The following OSBPL5 variants were observed in gnomAD, a reference collection of about 807,000 sequenced individuals.
OSBPL5 encodes the protein oxysterol binding protein like 5, also known as oxysterol-binding protein-related protein 5.
In OSBPL5, 71 loss-of-function variants were observed where a neutral mutation model predicts 111.2. The observed-to-expected ratio is 0.64, with a 90% CI of 0.53 to 0.78. The LOEUF (loss-of-function observed/expected upper bound fraction) is 0.78. Ranked by LOEUF, OSBPL5 falls within the 30% of genes least tolerant of loss-of-function variation. The pLI is 0.00. For missense variants in OSBPL5, 1,210 were observed against 1,189.3 expected (o/e 1.02, Z -0.26); for synonymous variants, 549 against 513.9 (o/e 1.07, Z -0.93).
At chr11:3,124,994 AC>A (rs1858562939) in intron 3 of OSBPL5, among the ~76,000 whole-genome samples, 2 of 152,152 alleles carry the variant, frequency 1.3e-5, no homozygotes, top group South Asian at 4.1e-4. Context: ...ACTGGGCAGG[AC>A]CCTTGGGTCT....
intron 14 of OSBPL5, among the ~76,000 whole-genome samples, chr11:3,098,495 ATTTTTTTTT>A (rs552382553): frequency 8.6e-5 from 7 of 81,202 alleles, no homozygotes; most frequent in East Asian, 2.8e-4. Context: ...ACATGAAGGA[ATTTTTTTTT>A]TTTTTTTTTT....
At chr11:3,103,166 T>C in intron 11 of OSBPL5, 73 bp downstream of exon 11, 1 of 1,372,622 alleles carries the variant, frequency 7.3e-7, no homozygotes, top group Non-Finnish European at 1.0e-6. Flanking sequence ...CTCAGGGAAG[T>C]GCCAAGGGAC....
At chr11:3,138,826 C>T (rs74560125) in intron 1 of OSBPL5, among the ~76,000 whole-genome samples, 4,715 of 152,348 alleles carry the variant, frequency 0.031, 216 homozygotes, top group African/African-American at 0.11. Context: ...TAGGGACACG[C>T]GGCTGAGAAG....
intron 1 of OSBPL5, chr11:3,164,315 G>A (rs2134577879): frequency 6.6e-6 from 1 of 152,480 alleles, no homozygotes; most frequent in Middle Eastern, 3.4e-3. Flanking sequence ...GCTCAGCCCA[G>A]GGACGAGGGA....
rs1299916692 is a variant in OSBPL5, at chr11:3,126,265, T to C, written c.219+208A>G. Among the ~76,000 whole-genome samples the C allele has an allele frequency of 6.6e-6, 1 of 152,206 alleles. No homozygotes were observed. The highest frequency in any genetic ancestry group is 2.4e-5 in the African/African-American group (1 of 41,444). ...GTGCACACATGTTCACGGAAGCATT[T>C]TTCATGACAGCTATATGGTGAAAAC... On this transcript the variant is annotated intron_variant, in intron 3 of 21. Coordinates refer to ENST00000263650, the MANE Select transcript of OSBPL5 (RefSeq NM_020896.4). The surrounding 1 kb of genome is among the most constrained non-coding windows in gnomAD (Gnocchi z 6.5).
At position 3,105,331 on chromosome 11, in the gene OSBPL5, C is replaced by T. The variant is rs1040719711; in HGVS notation, c.1060-954G>A. Among the ~76,000 whole-genome samples the T allele has an allele frequency of 6.6e-6, 1 of 152,176 alleles. No individual in the cohort carries two copies. The highest frequency in any genetic ancestry group is 2.4e-5 in the African/African-American group (1 of 41,446). On this transcript the variant is annotated intron_variant, in intron 9 of 21. Coordinates refer to ENST00000263650, the MANE Select transcript of OSBPL5 (RefSeq NM_020896.4). This position sits in a 1 kb window ranked among gnomAD's most constrained non-coding sequence, Gnocchi z 5.2. ...CTGGGACTCCTCAGGCAAATGGCTT[C>T]GCCTCTCTGTGCACGCATGGCCACG...
At chr11:3,124,921 C>T (rs1858558633) in intron 3 of OSBPL5, among the ~76,000 whole-genome samples, 1 of 152,180 alleles carries the variant, frequency 6.6e-6, no homozygotes, top group Non-Finnish European at 1.5e-5. Context: ...TTTGAGGCAA[C>T]AGGGGAAGAG....
In OSBPL5 at chr11:3,142,327, GC is replaced by G. The variant is rs1846150195; in HGVS notation, c.-21-13159del. On this transcript the variant is annotated intron_variant, in intron 1 of 21. Transcript: ENST00000263650. The surrounding 1 kb of genome is among the most constrained non-coding windows in gnomAD (Gnocchi z 7.1). ...GTGCCACCCCAAAGTCCACGGGGCT[GC>G]CCACAGCTGGGGGAGTGCAATGCCC... 6.6e-6 allele frequency among the ~76,000 whole-genome samples: 1 copy of G among 152,210 alleles called. No individual in the cohort carries two copies. Among genetic ancestry groups the G allele is most frequent in the African/African-American group, 2.4e-5 (1 of 41,458 alleles).
At chr11:3,100,782 G>T (rs1857426309) in intron 13 of OSBPL5, among the ~76,000 whole-genome samples, 1 of 152,044 alleles carries the variant, frequency 6.6e-6, no homozygotes, top group African/African-American at 2.4e-5. Flanking sequence ...TGATGAAAAA[G>T]GTACAACGGA....
intron 12 of OSBPL5, among the ~76,000 whole-genome samples, 194 bp downstream of exon 12, chr11:3,101,989 G>A (rs1167508820): frequency 6.6e-6 from 1 of 152,202 alleles, no homozygotes; most frequent in East Asian, 1.9e-4. Context: ...TCATGGTGGT[G>A]TCTGCACCTT....
In OSBPL5 at chr11:3,122,372, C is replaced by T. The variant is rs1243359122; in HGVS notation, c.276G>A (p.Arg92=). Reference sequence around the variant, plus strand: ...CCTTGAGAGTCTCCTTCTTGGTGACCCTGGCGGTGGGGGACACACATTCCT... The same window carrying T: ...CCTTGAGAGTCTCCTTCTTGGTGACTCTGGCGGTGGGGGACACACATTCCT... The part of the protein sequence containing the change: ...SDKECVSPTA[R]VTKKETLKAQ... The change falls in exon 4 of 22, where the codon AGG becomes AGA. Residue 92 remains arginine, a synonymous_variant. Transcript: ENST00000263650. 4 of 1,613,738 alleles carry T rather than the reference C, an allele frequency of 2.5e-6. No homozygotes were observed. The highest frequency in any genetic ancestry group is 2.5e-6 in the Non-Finnish European group (3 of 1,179,938).
In OSBPL5 at chr11:3,092,024, C is replaced by T. The variant is rs1464462662; in HGVS notation, c.2259+408G>A. On this transcript the variant is annotated intron_variant, in intron 19 of 21. Coordinates refer to ENST00000263650, the MANE Select transcript of OSBPL5 (RefSeq NM_020896.4). The surrounding 1 kb of genome is among the most constrained non-coding windows in gnomAD (Gnocchi z 5.4). Reference sequence around the variant, plus strand: ...GCTTCCTCAGGTTACTCCCTGGAGCCTCCTGCTGTCCCGCTTCCCCTTTCC... The same window carrying T: ...GCTTCCTCAGGTTACTCCCTGGAGCTTCCTGCTGTCCCGCTTCCCCTTTCC... Among the ~76,000 whole-genome samples the T allele has an allele frequency of 1.3e-5, 2 of 152,236 alleles. No homozygotes were observed. The highest frequency in any genetic ancestry group is 4.8e-5 in the African/African-American group (2 of 41,458).
intron 1 of OSBPL5, among the ~76,000 whole-genome samples, chr11:3,157,145 G>A (rs1449425208): frequency 3.3e-5 from 5 of 152,318 alleles, no homozygotes; most frequent in East Asian, 1.9e-4. Context: ...GCGTGCCTCC[G>A]TGCAAAACAC....
At chr11:3,088,425 T>C in intron 21 of OSBPL5, 82 bp from the exon 22 acceptor site, 1 of 1,355,358 alleles carries the variant, frequency 7.4e-7, no homozygotes, top group Non-Finnish European at 9.5e-7. Flanking sequence ...GTGCCCTGGG[T>C]ACTTGACCAG....
intron 1 of OSBPL5, among the ~76,000 whole-genome samples, chr11:3,138,599 C>T (rs1846017064): frequency 6.6e-6 from 1 of 152,228 alleles, no homozygotes. Context: ...ACACTCACTT[C>T]CAGAAAAGAC....
chr11:3,128,630 A>G (rs574654795), intron 2 of OSBPL5, among the ~76,000 whole-genome samples: 1 of 152,270 alleles, frequency 6.6e-6, no homozygotes, highest in Admixed American at 6.5e-5. Context: ...AGATCAGTCA[A>G]CTGAGGCCTA....
chr11:3,122,351 G>A lies in OSBPL5; in HGVS notation c.297C>T (p.Leu99=). ...PTARVTKKET[L]KAQKENYRQE... ...CCCTCCCCGGGCCCGGGCTCACCTTGAGAGTCTCCTTCTTGGTGACCCTGG... is the reference window on the plus strand; with the variant it reads ...CCCTCCCCGGGCCCGGGCTCACCTTAAGAGTCTCCTTCTTGGTGACCCTGG... The change falls in exon 4 of 22, where the codon CTC becomes CTT. Residue 99 remains leucine (L), a synonymous_variant. Coordinates refer to ENST00000263650, the MANE Select transcript of OSBPL5 (RefSeq NM_020896.4). 1 of 1,613,506 alleles carries A rather than the reference G, an allele frequency of 6.2e-7. No individual in the cohort carries two copies. Among genetic ancestry groups the A allele is most frequent in the Non-Finnish European group, 8.5e-7 (1 of 1,179,826 alleles).
At chr11:3,136,224 C>T (rs1181637305) in intron 1 of OSBPL5, among the ~76,000 whole-genome samples, 2 of 152,250 alleles carry the variant, frequency 1.3e-5, no homozygotes, top group Admixed American at 6.5e-5. Flanking sequence ...AGCCAGTGCA[C>T]ATGGCCCCCC....
chr11:3,088,590 G>C (rs1856954231), intron 21 of OSBPL5, among the ~76,000 whole-genome samples: 1 of 152,136 alleles, frequency 6.6e-6, no homozygotes, highest in South Asian at 2.1e-4. Flanking sequence ...TCAGGGATTG[G>C]GGAGTCAGCC....
Sources: allele counts gnomAD v4.1 joint callset (sites outside exome capture counted in the v4.1 genomes callset), GRCh38; gene constraint gnomAD v4.1.1; non-coding constraint Gnocchi (gnomAD v3.1); transcripts MANE v1.5; gene names NCBI Gene and HGNC (gene_info 2026-07-23, HGNC 2026-07-21).